Variants in ZBTB20 observed in about 807,000 individuals in gnomAD.
ZBTB20 encodes zinc finger and BTB domain-containing protein 20.
In ZBTB20, 9 loss-of-function variants were observed where a neutral mutation model predicts 56.9. That is an observed-to-expected ratio of 0.16 (90% CI 0.10 to 0.28). The LOEUF (loss-of-function observed/expected upper bound fraction) is 0.28, where lower values mean the gene tolerates loss of function less well. Among genes scored for constraint, ZBTB20 ranks in the 10% least tolerant of loss-of-function variants. The probability of loss-of-function intolerance (pLI) is 1.00; values close to 1 mark genes in which losing one functional copy is unlikely to be tolerated. For missense variants in ZBTB20, 655 were observed against 1,003.0 expected (o/e 0.65, Z 4.69); for synonymous variants, 417 against 420.7 (o/e 0.99, Z 0.11).
intron 5 of ZBTB20, among the ~76,000 whole-genome samples, chr3:114,779,788 A>C (rs894017781): frequency 1.3e-5 from 2 of 152,206 alleles, no homozygotes; most frequent in Non-Finnish European, 2.9e-5. Flanking sequence ...GGAATCTTAC[A>C]AATGAACAAG....
chr3:114,506,723 G>A lies in ZBTB20; in HGVS notation c.-294-6332C>T, dbSNP rs1005264966. 9.2e-5 allele frequency among the ~76,000 whole-genome samples: 14 copies of A among 152,152 alleles called. 1 individual carries two copies. The highest frequency in any genetic ancestry group is 6.3e-3 in the Middle Eastern group (2 of 316). The stretch of plus-strand genomic sequence containing the variant: ...TGAAAAGGTTTGGCACTGCTATCAT[G>A]TGGTCTAATCATTTAGACTTGTCAC... On this transcript the variant is annotated intron_variant, in intron 6 of 11. Coordinates refer to ENST00000675478, the MANE Select transcript of ZBTB20 (RefSeq NM_001348800.3).
chr3:114,797,341 A>T (rs2071402148), intron 5 of ZBTB20, among the ~76,000 whole-genome samples: 1 of 151,802 alleles, frequency 6.6e-6, no homozygotes, highest in East Asian at 1.9e-4. Flanking sequence ...GTTCTCATCC[A>T]ATTCCTCCTC....
intron 7 of ZBTB20, among the ~76,000 whole-genome samples, chr3:114,454,385 T>C (rs2091872023): frequency 6.6e-6 from 1 of 151,592 alleles, no homozygotes; most frequent in Non-Finnish European, 1.5e-5. Flanking sequence ...CTCCATACTC[T>C]TTCCCACCCC....
intron 2 of ZBTB20, 35 bp from the exon 3 acceptor site, chr3:114,974,451 G>C (rs1261652787): frequency 6.6e-6 from 1 of 152,062 alleles, no homozygotes; most frequent in Non-Finnish European, 1.5e-5. Flanking sequence ...TTAGAAATCT[G>C]CCAAGGAAAA....
intron 6 of ZBTB20, chr3:114,520,255 G>A (rs2046478756): frequency 6.6e-6 from 1 of 152,114 alleles, no homozygotes; most frequent in South Asian, 2.1e-4. Context: ...AGTTGAATAT[G>A]ATGTACCCCC....
chr3:114,912,061 T>A, intron 3 of ZBTB20, among the ~76,000 whole-genome samples: 1 of 147,690 alleles, frequency 6.8e-6, no homozygotes, highest in South Asian at 2.1e-4. Flanking sequence ...CAAAAGACAA[T>A]CAGTAGATTT....
intron 7 of ZBTB20, among the ~76,000 whole-genome samples, chr3:114,470,803 C>T (rs995028482): frequency 2.6e-5 from 4 of 152,046 alleles, no homozygotes; most frequent in Admixed American, 2.0e-4. Context: ...TGTAATTGAC[C>T]ATCCTTTCTT....
chr3:114,579,503 A>C (rs1031281978), intron 6 of ZBTB20, among the ~76,000 whole-genome samples: 1 of 151,482 alleles, frequency 6.6e-6, no homozygotes, highest in Non-Finnish European at 1.5e-5. Context: ...TAATAATTCA[A>C]TTCAAGAATC....
chr3:114,986,773 C>T (rs551047952), intron 2 of ZBTB20, among the ~76,000 whole-genome samples: 17 of 152,072 alleles, frequency 1.1e-4, no homozygotes, highest in African/African-American at 3.1e-4. Context: ...AACAGCCACA[C>T]AATTAAACTA....
At chr3:114,575,606 T>C (rs945139616) in intron 6 of ZBTB20, among the ~76,000 whole-genome samples, 1 of 147,486 alleles carries the variant, frequency 6.8e-6, no homozygotes, top group Admixed American at 6.8e-5. Flanking sequence ...AAAAAAAAAA[T>C]AGGAACTACT....
At chr3:114,495,472 C>T (rs1259840770) in intron 7 of ZBTB20, among the ~76,000 whole-genome samples, 1 of 152,144 alleles carries the variant, frequency 6.6e-6, no homozygotes, top group African/African-American at 2.4e-5. Flanking sequence ...CACACACACA[C>T]ACACAGTCTC....
chr3:114,622,905 G>A (rs968897792), intron 6 of ZBTB20, among the ~76,000 whole-genome samples: 2 of 152,188 alleles, frequency 1.3e-5, no homozygotes, highest in African/African-American at 4.8e-5. Context: ...CCCTTAGGCT[G>A]GGTTGTGATT....
intron 1 of ZBTB20, among the ~76,000 whole-genome samples, chr3:115,110,966 G>A (rs1007214705): frequency 2.7e-5 from 4 of 150,232 alleles, no homozygotes; most frequent in South Asian, 4.2e-4. Flanking sequence ...CTCCAGCTTC[G>A]GCAACAGAGT....
Position 114,349,720 on chromosome 3 carries a change from C to T in ZBTB20, c.1804+554G>A, listed in dbSNP as rs528536787. On this transcript the variant is annotated intron_variant, in intron 11 of 11. Coordinates refer to ENST00000675478, the MANE Select transcript of ZBTB20 (RefSeq NM_001348800.3). The stretch of plus-strand genomic sequence containing the variant: ...TTAACCATCTTAATAATAGCTACCA[C>T]TTATAGAGCACTTATTATATGCTTG... 6.6e-5 allele frequency among the ~76,000 whole-genome samples: 10 copies of T among 152,292 alleles called. No homozygotes were observed. In the East Asian group the frequency reaches 1.9e-3, roughly 29 times the overall value.
At chr3:114,671,162 C>G (rs140219171) in intron 6 of ZBTB20, among the ~76,000 whole-genome samples, 4 of 152,150 alleles carry the variant, frequency 2.6e-5, no homozygotes, top group African/African-American at 9.6e-5. Flanking sequence ...CTAAAGACTA[C>G]GCATTTAAAG....
intron 7 of ZBTB20, among the ~76,000 whole-genome samples, chr3:114,495,547 T>TA (rs1362322539): frequency 6.6e-6 from 1 of 152,188 alleles, no homozygotes; most frequent in African/African-American, 2.4e-5. Context: ...TTCGCCTTAG[T>TA]AATACTTTAT....
chr3:114,694,680 C>T lies in ZBTB20; in HGVS notation c.-342-1105G>A, dbSNP rs143795457. Among the ~76,000 whole-genome samples the T allele has an allele frequency of 5.9e-5, 9 of 152,032 alleles. 1 individual carries two copies. In the East Asian group the frequency reaches 1.7e-3, roughly 29 times the overall value. ...TGGCAGAGTGCATGAGGAGCATACT[C>T]GATAGCTAGAATCATAAGTATCTAA... On this transcript the variant is annotated intron_variant, in intron 5 of 11. Coordinates refer to ENST00000675478, the MANE Select transcript of ZBTB20 (RefSeq NM_001348800.3).
At chr3:114,443,035 T>C (rs745589021) in intron 7 of ZBTB20, among the ~76,000 whole-genome samples, 1 of 152,126 alleles carries the variant, frequency 6.6e-6, no homozygotes, top group African/African-American at 2.4e-5. Context: ...TCTTCAAATT[T>C]AGACCAGATT....
intron 6 of ZBTB20, among the ~76,000 whole-genome samples, chr3:114,550,811 C>T (rs1290194738): frequency 6.6e-6 from 1 of 151,726 alleles, no homozygotes; most frequent in Non-Finnish European, 1.5e-5. Context: ...AGTGCAGTGG[C>T]GTGATCTCTG....
Sources: allele counts gnomAD v4.1 joint callset (sites outside exome capture counted in the v4.1 genomes callset), GRCh38; gene constraint gnomAD v4.1.1; transcripts MANE v1.5; gene names NCBI Gene and HGNC (gene_info 2026-07-23, HGNC 2026-07-21).